The following COMMD10 variants were observed in gnomAD, a reference collection of about 807,000 sequenced individuals.
COMMD10 encodes COMM domain containing 10, also known as COMM domain-containing protein 10.
In COMMD10, 33 loss-of-function variants were observed where a neutral mutation model predicts 28.9. The observed-to-expected ratio is 1.14, with a 90% confidence interval of 0.87 to 1.53. COMMD10 has a LOEUF of 1.53. COMMD10 is among the 40% of genes most tolerant of loss of function. COMMD10 has a pLI of 0.00. For synonymous variants in COMMD10, 110 were observed against 81.7 expected (o/e 1.35, Z -1.87); for missense variants, 310 against 233.4 (o/e 1.33, Z -2.14).
intron 4 of COMMD10, among the ~76,000 whole-genome samples, chr5:116,102,376 C>G (rs1750693988): frequency 6.6e-6 from 1 of 152,066 alleles, no homozygotes; most frequent in African/African-American, 2.4e-5. Context: ...AAATATGTAG[C>G]TTTATTTCTG....
intron 5 of COMMD10, among the ~76,000 whole-genome samples, chr5:116,229,392 C>T (rs941089243): frequency 2.0e-5 from 3 of 152,050 alleles, no homozygotes; most frequent in African/African-American, 4.8e-5. Flanking sequence ...ATAAAAAGAT[C>T]GAATTTACCT....
chr5:116,282,836 CAA>C (rs1021808367), intron 5 of COMMD10, among the ~76,000 whole-genome samples: 110 of 152,008 alleles, frequency 7.2e-4, no homozygotes, highest in Admixed American at 3.8e-3. Flanking sequence ...TGTCTCCAAA[CAA>C]AGTCACCTCC....
intron 5 of COMMD10, among the ~76,000 whole-genome samples, chr5:116,261,917 A>T (rs1189545357): frequency 1.3e-5 from 2 of 151,478 alleles, no homozygotes; most frequent in African/African-American, 4.9e-5. Flanking sequence ...TAATTAGCTA[A>T]TTTTTCTTGA....
intron 5 of COMMD10, among the ~76,000 whole-genome samples, chr5:116,140,581 G>A (rs886521228): frequency 5.9e-5 from 9 of 151,598 alleles, no homozygotes; most frequent in African/African-American, 1.9e-4. Flanking sequence ...TCTCACCAGC[G>A]TTTGTTGTCT....
At chr5:116,189,424 T>C (rs1444267619) in intron 5 of COMMD10, among the ~76,000 whole-genome samples, 1 of 152,140 alleles carries the variant, frequency 6.6e-6, no homozygotes, top group Non-Finnish European at 1.5e-5. Context: ...CTAGGCTGTC[T>C]TTTTTCCAGC....
intron 5 of COMMD10, among the ~76,000 whole-genome samples, chr5:116,245,296 G>A (rs186720493): frequency 6.6e-6 from 1 of 152,028 alleles, no homozygotes; most frequent in Non-Finnish European, 1.5e-5. Flanking sequence ...AGTGAACCAG[G>A]AAGAAACTGG....
At chr5:116,140,039 A>G (rs1752147409) in intron 5 of COMMD10, among the ~76,000 whole-genome samples, 2 of 151,290 alleles carry the variant, frequency 1.3e-5, no homozygotes, top group African/African-American at 2.4e-5. Context: ...GCTTCTCCCC[A>G]TTTTTTCCCT....
intron 2 of COMMD10, among the ~76,000 whole-genome samples, chr5:116,090,331 G>A (rs1304083359): frequency 6.6e-6 from 1 of 152,172 alleles, no homozygotes; most frequent in Non-Finnish European, 1.5e-5. Flanking sequence ...ATATTTTACA[G>A]TGTTTAGGGC....
chr5:116,254,061 C>G (rs1221519729), intron 5 of COMMD10, among the ~76,000 whole-genome samples: 1 of 152,144 alleles, frequency 6.6e-6, no homozygotes, highest in African/African-American at 2.4e-5. Flanking sequence ...TCCATTTCTT[C>G]TAGATTTTCT....
intron 5 of COMMD10, among the ~76,000 whole-genome samples, chr5:116,184,262 T>C (rs933203655): frequency 2.0e-5 from 3 of 151,708 alleles, no homozygotes; most frequent in African/African-American, 7.3e-5. Flanking sequence ...TTGTGTTCAC[T>C]CCCTAATTAT....
chr5:116,196,315 G>C (rs1748518340), intron 5 of COMMD10, among the ~76,000 whole-genome samples: 1 of 152,034 alleles, frequency 6.6e-6, no homozygotes, highest in Non-Finnish European at 1.5e-5. Context: ...AGAGGCATTA[G>C]AATGATACAG....
intron 4 of COMMD10, among the ~76,000 whole-genome samples, chr5:116,093,684 T>C (rs997222054): frequency 1.4e-4 from 21 of 152,298 alleles, no homozygotes; most frequent in African/African-American, 4.8e-4. Context: ...ATCTTAAAAT[T>C]TGTATGAAAC....
At chr5:116,135,003 T>A (rs971601948) in intron 5 of COMMD10, among the ~76,000 whole-genome samples, 7 of 152,206 alleles carry the variant, frequency 4.6e-5, no homozygotes, top group African/African-American at 1.7e-4. Flanking sequence ...ATCAAAGCAT[T>A]GCTATGAAAT....
intron 5 of COMMD10, among the ~76,000 whole-genome samples, chr5:116,261,146 G>A (rs1237856585): frequency 2.0e-5 from 3 of 151,648 alleles, no homozygotes; most frequent in Admixed American, 6.6e-5. Context: ...CATATTTCAG[G>A]AAGAAAACTA....
intron 5 of COMMD10, among the ~76,000 whole-genome samples, chr5:116,175,142 T>A (rs1417842066): frequency 6.6e-6 from 1 of 152,120 alleles, no homozygotes; most frequent in Non-Finnish European, 1.5e-5. Flanking sequence ...CGCATTACTT[T>A]CTATCTCCTT....
At chr5:116,262,969 C>A (rs1750487758) in intron 5 of COMMD10, among the ~76,000 whole-genome samples, 2 of 151,558 alleles carry the variant, frequency 1.3e-5, no homozygotes, top group Admixed American at 6.6e-5. Context: ...GTTAACCTTA[C>A]AAAGGGAAAA....
chr5:116,289,609 C>T (rs559309994), intron 5 of COMMD10, among the ~76,000 whole-genome samples: 1 of 151,956 alleles, frequency 6.6e-6, no homozygotes, highest in South Asian at 2.1e-4. Context: ...CCCAGAAAGC[C>T]AGAATGTTGG....
intron 5 of COMMD10, among the ~76,000 whole-genome samples, chr5:116,229,663 G>A (rs781021305): frequency 1.3e-5 from 2 of 151,914 alleles, no homozygotes; most frequent in Non-Finnish European, 2.9e-5. Context: ...ATGTGAAACA[G>A]CTAGAAAACA....
intron 4 of COMMD10, among the ~76,000 whole-genome samples, chr5:116,132,777 G>C (rs934248335): frequency 3.9e-5 from 6 of 152,070 alleles, no homozygotes; most frequent in Non-Finnish European, 5.9e-5. Flanking sequence ...GACTATGCTT[G>C]CTGTAATCAG....
Sources: allele counts gnomAD v4.1 joint callset (sites outside exome capture counted in the v4.1 genomes callset), GRCh38; gene constraint gnomAD v4.1.1; transcripts MANE v1.5; gene names NCBI Gene and HGNC (gene_info 2026-07-23, HGNC 2026-07-21).